ENTPD3: variants seen among roughly 807,000 people sequenced by gnomAD.
The protein encoded by ENTPD3 is CD39 antigen-like 3.
A neutral mutation model predicts 51.2 loss-of-function variants in ENTPD3; 60 were observed. The ratio of observed to expected loss-of-function variants is 1.17; its 90% confidence interval spans 0.95 to 1.45. The LOEUF (loss-of-function observed/expected upper bound fraction) is 1.45, where lower values mean the gene tolerates loss of function less well. Ranked by LOEUF, ENTPD3 falls within the 40% of genes most tolerant of loss-of-function variation. The pLI is 0.00. For missense variants in ENTPD3, 593 were observed against 641.1 expected (o/e 0.93, Z 0.81); for synonymous variants, 221 against 238.4 (o/e 0.93, Z 0.67).
chr3:40,416,091 AG>A lies in ENTPD3; in HGVS notation c.831+23del. 2 of 1,589,008 alleles carry A rather than the reference AG, an allele frequency of 1.3e-6. No individual in the cohort carries two copies. The highest frequency in any genetic ancestry group is 8.6e-7 in the Non-Finnish European group (1 of 1,159,390). The stretch of plus-strand genomic sequence containing the variant: ...TCCTGCAGGTACTTGAGTCGGGGGT[AG>A]GGGGTGGCAGGTGTTCTCTTGAGGG... On this transcript the variant is annotated intron_variant, in intron 7 of 10. Coordinates refer to ENST00000301825, the MANE Select transcript of ENTPD3 (RefSeq NM_001248.4).
At chr3:40,425,785 C>A (rs1314627350) in intron 10 of ENTPD3, among the ~76,000 whole-genome samples, 1 of 151,414 alleles carries the variant, frequency 6.6e-6, no homozygotes, top group Non-Finnish European at 1.5e-5. Context: ...GTACTCCCAG[C>A]CACTCAGGAG....
At chr3:40,426,463 A>T (rs1030926242) in intron 10 of ENTPD3, among the ~76,000 whole-genome samples, 7 of 152,100 alleles carry the variant, frequency 4.6e-5, no homozygotes, top group Non-Finnish European at 2.9e-5. Context: ...AATAGCACTA[A>T]TTGAAAATTT....
chr3:40,412,978 G>A (rs1955668483), intron 5 of ENTPD3, among the ~76,000 whole-genome samples: 1 of 152,052 alleles, frequency 6.6e-6, no homozygotes, highest in African/African-American at 2.4e-5. Flanking sequence ...CCTTCCTTTT[G>A]CTTTTTCTTT....
intron 3 of ENTPD3, among the ~76,000 whole-genome samples, chr3:40,396,922 G>A (rs1230205102): frequency 6.6e-6 from 1 of 151,988 alleles, no homozygotes; most frequent in Non-Finnish European, 1.5e-5. Context: ...CCCCATACTG[G>A]GTCCAAGATC....
intron 10 of ENTPD3, among the ~76,000 whole-genome samples, chr3:40,425,998 C>A (rs1003158281): frequency 6.6e-6 from 1 of 151,198 alleles, no homozygotes; most frequent in Non-Finnish European, 1.5e-5. Context: ...TAGAAAATAT[C>A]CACATGATAA....
At chr3:40,421,116 C>T (rs868294227) in intron 7 of ENTPD3, among the ~76,000 whole-genome samples, 1 of 151,714 alleles carries the variant, frequency 6.6e-6, no homozygotes. Context: ...CTCCGCCTCC[C>T]GGGTTCAAGT....
rs750883719 is a variant in ENTPD3 at position 40,422,892 on chromosome 3, C to T, written c.874C>T (p.Arg292Trp). The T allele has an allele frequency of 1.4e-4, 224 of 1,613,732 alleles. No homozygotes were observed. The Admixed American group carries it at 1.5e-3, about 11-fold the overall frequency. Residue 292 changes from arginine (R) to tryptophan (W), a missense_variant, in exon 8 of 11, where the codon CGG (arginine) becomes TGG (tryptophan). Arg to Trp is a moderately radical substitution (Grantham distance 101). Transcript: ENST00000301825. ...KNHLTNPCYPRDYSISFTMGH... is the reference protein window; with the variant it reads ...KNHLTNPCYPWDYSISFTMGH... The stretch of plus-strand genomic sequence containing the variant: ...CCATCTCACCAATCCCTGTTACCCT[C>T]GGGATTATAGCATCAGCTTCACCAT...
chr3:40,393,587 A>C (rs936741127), intron 3 of ENTPD3, among the ~76,000 whole-genome samples: 1 of 152,184 alleles, frequency 6.6e-6, no homozygotes, highest in Non-Finnish European at 1.5e-5. Flanking sequence ...ATATAATAGC[A>C]TTTGGTTCCT....
intron 10 of ENTPD3, 114 bp from the exon 11 acceptor site, chr3:40,427,158 T>C (rs1956001018): frequency 1.1e-6 from 1 of 874,312 alleles, no homozygotes; most frequent in Middle Eastern, 2.8e-4. Context: ...TTTGACCTCT[T>C]TGGGCCACAA....
intron 1 of ENTPD3, 160 bp from the exon 2 acceptor site, chr3:40,387,886 G>T: frequency 3.4e-6 from 2 of 584,674 alleles, no homozygotes; most frequent in Non-Finnish European, 6.2e-6. Flanking sequence ...CTCCAGCTTT[G>T]GGGCTGTCTC....
At chr3:40,403,927 G>A (rs370833557) in intron 4 of ENTPD3, among the ~76,000 whole-genome samples, 1 of 152,146 alleles carries the variant, frequency 6.6e-6, no homozygotes, top group East Asian at 1.9e-4. Flanking sequence ...GAGATTACAG[G>A]TGTGAGCCAC....
chr3:40,412,102 C>G, intron 5 of ENTPD3, 140 bp downstream of exon 5: 1 of 894,954 alleles, frequency 1.1e-6, no homozygotes, highest in Admixed American at 4.0e-5. Flanking sequence ...TAAATTTGGG[C>G]TTTAAAGGTT....
intron 7 of ENTPD3, among the ~76,000 whole-genome samples, chr3:40,422,454 C>T (rs1225046039): frequency 2.0e-5 from 3 of 150,522 alleles, no homozygotes; most frequent in Admixed American, 6.6e-5. Flanking sequence ...TGTGCTGCAC[C>T]CATTAACTCG....
chr3:40,392,772 A>T (rs1326581793), intron 3 of ENTPD3, among the ~76,000 whole-genome samples: 4 of 152,072 alleles, frequency 2.6e-5, no homozygotes. Context: ...CCTGGGCAAT[A>T]TAGAGAGACT....
intron 10 of ENTPD3, chr3:40,424,908 C>A: frequency 9.3e-6 from 6 of 643,204 alleles, no homozygotes; most frequent in Admixed American, 4.4e-5. Flanking sequence ...GAGTCATCTA[C>A]AAAAAAATAA....
intron 5 of ENTPD3, among the ~76,000 whole-genome samples, chr3:40,413,874 G>A (rs1317207427): frequency 6.6e-6 from 1 of 152,150 alleles, no homozygotes; most frequent in Non-Finnish European, 1.5e-5. Context: ...GATGAAACTG[G>A]GAAAACTCTG....
chr3:40,400,527 G>A (rs572734953), intron 3 of ENTPD3, among the ~76,000 whole-genome samples: 1 of 152,178 alleles, frequency 6.6e-6, no homozygotes, highest in Non-Finnish European at 1.5e-5. Context: ...CTCAACCTTG[G>A]CTGAGTGTTG....
At chr3:40,416,147 C>T (rs576881200) in intron 7 of ENTPD3, 74 bp downstream of exon 7, 72 of 1,071,176 alleles carry the variant, frequency 6.7e-5, no homozygotes, top group Non-Finnish European at 9.9e-5. Context: ...GCCCTGCCTT[C>T]TGGGGTCTGT....
chr3:40,389,365 G>A lies in ENTPD3; in HGVS notation c.40+1268G>A, dbSNP rs1324264598. Among the ~76,000 whole-genome samples, 4 of 152,218 alleles carry A rather than the reference G, an allele frequency of 2.6e-5. No individual in the cohort carries two copies. In the East Asian group the frequency reaches 7.7e-4, roughly 29 times the overall value. The stretch of plus-strand genomic sequence containing the variant: ...TTTGGAATCACAGAAAAGTGATACA[G>A]GACCTCTTTACATGCTCTGCAGGTC... On this transcript the variant is annotated intron_variant, in intron 2 of 10. Transcript: ENST00000301825.
Sources: gnomAD v4.1 joint callset for allele counts (sites outside exome capture counted in the v4.1 genomes callset) on GRCh38, gnomAD v4.1.1 for gene constraint, MANE v1.5 for transcripts, NCBI Gene and HGNC (gene_info 2026-07-23, HGNC 2026-07-21) for gene names.